HLCS: variants seen among roughly 807,000 people sequenced by gnomAD.
HLCS encodes the protein holocarboxylase synthetase, also known as biotin--protein ligase.
A neutral mutation model predicts 75.0 loss-of-function variants in HLCS; 53 were observed. That is an observed-to-expected ratio of 0.71 (90% CI 0.57 to 0.89). The LOEUF (loss-of-function observed/expected upper bound fraction) is 0.89. Ranked by LOEUF, HLCS falls within the 40% of genes least tolerant of loss-of-function variation. The pLI, the probability that HLCS is intolerant of heterozygous loss-of-function variation, is 0.00. For synonymous variants in HLCS, 431 were observed against 428.6 expected (o/e 1.01, Z -0.07); for missense variants, 966 against 1,074.0 (o/e 0.90, Z 1.41).
intron 2 of HLCS, among the ~76,000 whole-genome samples, chr21:36,960,817 G>T (rs1201619689): frequency 6.6e-6 from 1 of 152,170 alleles, no homozygotes; most frequent in African/African-American, 2.4e-5. Context: ...AGACCTCCAG[G>T]AGCCTCAGGG....
At chr21:36,863,243 G>C (rs540462246) in intron 6 of HLCS, among the ~76,000 whole-genome samples, 2 of 152,210 alleles carry the variant, frequency 1.3e-5, no homozygotes, top group South Asian at 2.1e-4. Context: ...ATGATGCACA[G>C]AGATTTAGAA....
rs59079731 is a variant in HLCS at position 36,848,271 on chromosome 21, G to GTTT, written c.1892+48586_1892+48588dup. 3.2e-3 allele frequency among the ~76,000 whole-genome samples: 441 copies of GTTT among 138,576 alleles called. 2 individuals are homozygous for GTTT. The highest frequency in any genetic ancestry group is 0.011 in the African/African-American group (398 of 37,814). The allele number at this position is 138,576 out of a possible 152,430, so 90.9% of individuals were successfully genotyped here. Reference sequence around the variant, plus strand: ...CCATAACTTTGCCCACATAATTGTTGTTTTTTTTTTTTTTTTGAAACAGAG... The same window carrying GTTT: ...CCATAACTTTGCCCACATAATTGTTGTTTTTTTTTTTTTTTTTTTGAAACAGAG... On this transcript the variant is annotated intron_variant, in intron 6 of 10. Transcript: ENST00000674895.
intron 6 of HLCS, among the ~76,000 whole-genome samples, chr21:36,873,039 T>G (rs1292136957): frequency 6.6e-6 from 1 of 152,198 alleles, no homozygotes; most frequent in Non-Finnish European, 1.5e-5. Context: ...CAGTGGTATC[T>G]CACTGTGCTT....
At chr21:36,986,074 A>C (rs2069223248) in intron 1 of HLCS, among the ~76,000 whole-genome samples, 1 of 152,198 alleles carries the variant, frequency 6.6e-6, no homozygotes, top group African/African-American at 2.4e-5. Context: ...CCAGTGCAAC[A>C]GTGTTGAGAG....
At chr21:36,896,780 C>T in intron 6 of HLCS, 80 bp downstream of exon 6, 1 of 1,493,796 alleles carries the variant, frequency 6.7e-7, no homozygotes, top group Non-Finnish European at 9.3e-7. Context: ...CAACTCTATC[C>T]CCTCCCCGTC....
chr21:36,908,353 C>A (rs577618858), intron 5 of HLCS, among the ~76,000 whole-genome samples: 94 of 150,666 alleles, frequency 6.2e-4, no homozygotes, highest in Middle Eastern at 6.9e-3. Flanking sequence ...TGTGCCACTG[C>A]ACTGACAGCC....
intron 10 of HLCS, among the ~76,000 whole-genome samples, chr21:36,756,268 C>T (rs2089576749): frequency 6.6e-6 from 1 of 151,622 alleles, no homozygotes; most frequent in Non-Finnish European, 1.5e-5. Flanking sequence ...GAAACCCCAC[C>T]TCCACTAAAA....
chr21:36,925,113 T>C (rs896089637), intron 5 of HLCS, among the ~76,000 whole-genome samples: 3 of 152,166 alleles, frequency 2.0e-5, no homozygotes, highest in Admixed American at 2.0e-4. Context: ...AGTAAAAATT[T>C]GGGGTTAAAT....
At chr21:36,822,150 A>G (rs961727185) in intron 6 of HLCS, among the ~76,000 whole-genome samples, 7 of 152,200 alleles carry the variant, frequency 4.6e-5, no homozygotes, top group African/African-American at 1.2e-4. Context: ...GGCGAGGTGC[A>G]GTGGCTCACA....
In HLCS at chr21:36,842,136, T is replaced by C. The variant is rs1222335626; in HGVS notation, c.1892+54724A>G. ...TGGGATACTCACCCAAAGAAGTATTTTATGGCAATGAGAATGAACAAACTA... is the reference window on the plus strand; with the variant it reads ...TGGGATACTCACCCAAAGAAGTATTCTATGGCAATGAGAATGAACAAACTA... On this transcript the variant is annotated intron_variant, in intron 6 of 10. Coordinates refer to ENST00000674895, the MANE Select transcript of HLCS (RefSeq NM_001352514.2). This position sits in a 1 kb window ranked among gnomAD's most constrained non-coding sequence, Gnocchi z 4.2. 1.3e-5 allele frequency among the ~76,000 whole-genome samples: 2 copies of C among 152,194 alleles called. No homozygotes were observed. The highest frequency in any genetic ancestry group is 4.8e-5 in the African/African-American group (2 of 41,454).
At chr21:36,916,423 C>T (rs1453481069) in intron 5 of HLCS, among the ~76,000 whole-genome samples, 1 of 151,594 alleles carries the variant, frequency 6.6e-6, no homozygotes, top group Non-Finnish European at 1.5e-5. Context: ...AGTGCAGTGG[C>T]GCGATCACAA....
chr21:36,755,013 T>A (rs2089505635), intron 10 of HLCS, among the ~76,000 whole-genome samples: 1 of 152,220 alleles, frequency 6.6e-6, no homozygotes, highest in Non-Finnish European at 1.5e-5. Context: ...TCTTCCATTC[T>A]CACACCAAAT....
At chr21:36,903,893 G>A (rs2065341227) in intron 5 of HLCS, among the ~76,000 whole-genome samples, 1 of 152,072 alleles carries the variant, frequency 6.6e-6, no homozygotes, top group Admixed American at 6.6e-5. Flanking sequence ...GATTGAATGG[G>A]GTCATCAGGG....
chr21:36,930,982 T>C (rs866270996), intron 4 of HLCS, among the ~76,000 whole-genome samples: 8 of 152,248 alleles, frequency 5.3e-5, no homozygotes, highest in Middle Eastern at 3.4e-3. Context: ...TTAACTTGAT[T>C]ATAGGAACAA....
chr21:36,989,533 T>G (rs1208395258), intron 1 of HLCS, among the ~76,000 whole-genome samples: 3 of 152,030 alleles, frequency 2.0e-5, no homozygotes, highest in African/African-American at 7.3e-5. Flanking sequence ...TTCACCATGT[T>G]GCCCAGGCTG....
intron 1 of HLCS, among the ~76,000 whole-genome samples, chr21:36,980,187 G>A (rs1294864249): frequency 7.1e-6 from 1 of 140,156 alleles, no homozygotes; most frequent in African/African-American, 2.7e-5. Context: ...GTGAGACCCT[G>A]ACTATATTTA....
intron 6 of HLCS, among the ~76,000 whole-genome samples, chr21:36,873,992 T>C (rs1162688142): frequency 6.6e-6 from 1 of 152,228 alleles, no homozygotes; most frequent in Admixed American, 6.5e-5. Context: ...TCGCAAGTCA[T>C]GAAGATATTG....
intron 6 of HLCS, among the ~76,000 whole-genome samples, chr21:36,859,982 G>A (rs904643093): frequency 2.0e-5 from 3 of 152,192 alleles, no homozygotes; most frequent in African/African-American, 4.8e-5. Context: ...CTTGCAGGTC[G>A]CATATTTACT....
intron 1 of HLCS, among the ~76,000 whole-genome samples, chr21:36,978,542 G>A (rs115212882): frequency 6.6e-6 from 1 of 152,114 alleles, no homozygotes; most frequent in African/African-American, 2.4e-5. Context: ...CACAGTGTGG[G>A]AAGGAGGCTG....
Sources: allele counts gnomAD v4.1 joint callset (sites outside exome capture counted in the v4.1 genomes callset), GRCh38; gene constraint gnomAD v4.1.1; non-coding constraint Gnocchi (gnomAD v3.1); transcripts MANE v1.5; gene names NCBI Gene and HGNC (gene_info 2026-07-23, HGNC 2026-07-21).